Variants in RFX3 observed in about 807,000 individuals in gnomAD.
The protein encoded by RFX3 is transcription factor RFX3.
RFX3 carries 14 observed loss-of-function variants against 98.6 expected under a neutral mutation model. That is an observed-to-expected ratio of 0.14 (90% confidence interval 0.09 to 0.22). The LOEUF is 0.22. Among genes scored for constraint, RFX3 ranks in the 10% least tolerant of loss-of-function variants. The pLI, the probability that RFX3 is intolerant of heterozygous loss-of-function variation, is 1.00. For missense variants in RFX3, 639 were observed against 926.9 expected (o/e 0.69, Z 4.03); for synonymous variants, 383 against 328.4 (o/e 1.17, Z -1.80).
At chr9:3,284,773 A>G (rs1176677674) in intron 7 of RFX3, among the ~76,000 whole-genome samples, 2 of 151,812 alleles carry the variant, frequency 1.3e-5, no homozygotes, top group Admixed American at 1.3e-4. Context: ...GTGGGCTCTA[A>G]TCTCCTTTAT....
chr9:3,385,958 A>G (rs1445524480), intron 2 of RFX3, among the ~76,000 whole-genome samples: 4 of 152,118 alleles, frequency 2.6e-5, no homozygotes, highest in Non-Finnish European at 4.4e-5. Flanking sequence ...TTATTGAGAA[A>G]TTGTCTGGCA....
At chr9:3,283,241 T>A (rs143845949) in intron 7 of RFX3, among the ~76,000 whole-genome samples, 1 of 151,696 alleles carries the variant, frequency 6.6e-6, no homozygotes, top group Non-Finnish European at 1.5e-5. Flanking sequence ...ACACTAAATA[T>A]CCCATAAGAA....
intron 2 of RFX3, among the ~76,000 whole-genome samples, chr9:3,349,504 C>T (rs1052899892): frequency 7.2e-5 from 11 of 151,882 alleles, no homozygotes; most frequent in East Asian, 5.8e-4. Flanking sequence ...GGTTCCAAAG[C>T]CAAAACTATA....
chr9:3,339,985 C>T (rs1465045392), intron 3 of RFX3, among the ~76,000 whole-genome samples: 1 of 152,102 alleles, frequency 6.6e-6, no homozygotes, highest in East Asian at 1.9e-4. Flanking sequence ...AGGCATCACA[C>T]TACCTGACTT....
intron 2 of RFX3, among the ~76,000 whole-genome samples, chr9:3,370,313 A>G (rs1319398469): frequency 1.3e-5 from 2 of 151,758 alleles, no homozygotes; most frequent in Non-Finnish European, 2.9e-5. Flanking sequence ...ACTTATTCAA[A>G]AGTAAGTAGT....
chr9:3,257,267 C>T (rs1293145237), intron 13 of RFX3, 68 bp from the exon 14 acceptor site: 2 of 1,300,640 alleles, frequency 1.5e-6, no homozygotes, highest in South Asian at 1.2e-5. Flanking sequence ...TGCCAGCACA[C>T]ACACTAGATG....
At chr9:3,442,785 C>T (rs1448473369) in intron 1 of RFX3, among the ~76,000 whole-genome samples, 2 of 152,066 alleles carry the variant, frequency 1.3e-5, no homozygotes, top group African/African-American at 4.8e-5. Flanking sequence ...AAACATAAAG[C>T]TTCTGGAAGA....
chr9:3,499,236 A>C (rs972618628), intron 1 of RFX3, among the ~76,000 whole-genome samples: 19 of 152,114 alleles, frequency 1.2e-4, no homozygotes, highest in African/African-American at 4.6e-4. Flanking sequence ...TTAGGGAAAA[A>C]AGCAGCACTA....
At chr9:3,440,897 A>G (rs143791939) in intron 1 of RFX3, among the ~76,000 whole-genome samples, 50 of 152,340 alleles carry the variant, frequency 3.3e-4, no homozygotes, top group Non-Finnish European at 6.6e-4. Context: ...AAACACACCA[A>G]TGAAATGGAA....
intron 1 of RFX3, among the ~76,000 whole-genome samples, chr9:3,498,298 C>G (rs1395534975): frequency 6.6e-6 from 1 of 152,036 alleles, no homozygotes; most frequent in East Asian, 1.9e-4. Context: ...TGCTCCACTA[C>G]TTATTAGTTC....
chr9:3,399,534 A>G (rs906061381), intron 1 of RFX3, among the ~76,000 whole-genome samples: 3 of 152,224 alleles, frequency 2.0e-5, no homozygotes, highest in African/African-American at 2.4e-5. Context: ...TGTGTTCTAT[A>G]GGCAAATTAT....
chr9:3,311,450 C>T (rs1456893434), intron 4 of RFX3, among the ~76,000 whole-genome samples: 1 of 152,160 alleles, frequency 6.6e-6, no homozygotes, highest in African/African-American at 2.4e-5. Flanking sequence ...AGGGTACATC[C>T]TATAGGAAGC....
intron 5 of RFX3, among the ~76,000 whole-genome samples, chr9:3,297,767 T>C (rs1349079320): frequency 2.0e-5 from 3 of 152,012 alleles, no homozygotes; most frequent in South Asian, 4.1e-4. Flanking sequence ...AATTATTTGC[T>C]AGATTGTGAG....
intron 14 of RFX3, among the ~76,000 whole-genome samples, chr9:3,249,830 A>G (rs1350429007): frequency 6.6e-6 from 1 of 152,080 alleles, no homozygotes; most frequent in Non-Finnish European, 1.5e-5. Flanking sequence ...ATGTAACTAT[A>G]CTGTTACCTA....
chr9:3,479,319 G>T (rs1849539781), intron 1 of RFX3, among the ~76,000 whole-genome samples: 1 of 151,974 alleles, frequency 6.6e-6, no homozygotes, highest in Admixed American at 6.6e-5. Flanking sequence ...CCACCATTCT[G>T]GAAGTTGATC....
chr9:3,504,108 TCTCTCTCTCTCC>T (rs140221746), intron 1 of RFX3, among the ~76,000 whole-genome samples: 30 of 138,000 alleles, frequency 2.2e-4, no homozygotes, highest in African/African-American at 6.5e-4. Flanking sequence ...TCTTTCTCTC[TCTCTCTCTCTCC>T]CTCTCTCTTT....
At chr9:3,508,315 T>C (rs1285227607) in intron 1 of RFX3, among the ~76,000 whole-genome samples, 1 of 151,964 alleles carries the variant, frequency 6.6e-6, no homozygotes, top group African/African-American at 2.4e-5. Flanking sequence ...TTTAGCACTT[T>C]CTATTCATTT....
intron 1 of RFX3, among the ~76,000 whole-genome samples, chr9:3,516,643 A>G (rs1439861919): frequency 6.6e-6 from 1 of 152,214 alleles, no homozygotes; most frequent in Non-Finnish European, 1.5e-5. Flanking sequence ...TGGGGAAGAA[A>G]TGTCTTAAAA....
At chr9:3,369,902 T>C (rs1440834914) in intron 2 of RFX3, among the ~76,000 whole-genome samples, 1 of 151,906 alleles carries the variant, frequency 6.6e-6, no homozygotes, top group Non-Finnish European at 1.5e-5. Context: ...CCATCTCCGC[T>C]CACTGCAAGC....
Sources: gnomAD v4.1 joint callset for allele counts (sites outside exome capture counted in the v4.1 genomes callset) on GRCh38, gnomAD v4.1.1 for gene constraint, MANE v1.5 for transcripts, NCBI Gene and HGNC (gene_info 2026-07-23, HGNC 2026-07-21) for gene names.